ARHGEF3: variants seen among roughly 807,000 people sequenced by gnomAD.
ARHGEF3 encodes Rho guanine nucleotide exchange factor 3.
A neutral mutation model predicts 63.2 loss-of-function variants in ARHGEF3; 28 were observed. That is an observed-to-expected ratio of 0.44 (90% CI 0.33 to 0.61). The LOEUF (loss-of-function observed/expected upper bound fraction) is 0.61, where lower values mean the gene tolerates loss of function less well. Ranked by LOEUF, ARHGEF3 falls within the 20% of genes least tolerant of loss-of-function variation. The pLI, the probability that ARHGEF3 is intolerant of heterozygous loss-of-function variation, is 0.03. For synonymous variants in ARHGEF3, 266 were observed against 254.2 expected (o/e 1.05, Z -0.44); for missense variants, 533 against 659.3 (o/e 0.81, Z 2.10).
intron 1 of ARHGEF3, among the ~76,000 whole-genome samples, chr3:57,047,610 C>T (rs1704510896): frequency 6.6e-6 from 1 of 152,136 alleles, no homozygotes; most frequent in Non-Finnish European, 1.5e-5. Flanking sequence ...ATGCAAAGGT[C>T]AGTGTCCTTT....
intron 2 of ARHGEF3, among the ~76,000 whole-genome samples, chr3:56,976,064 CAG>C (rs2051693599): frequency 6.6e-6 from 1 of 152,130 alleles, no homozygotes; most frequent in Non-Finnish European, 1.5e-5. Context: ...GTTGTTGAGA[CAG>C]AGTCTTGCTC....
At chr3:56,958,741 C>G (rs1700153533) in intron 3 of ARHGEF3, 1 of 1,426,506 alleles carries the variant, frequency 7.0e-7, no homozygotes. Context: ...AAAACCAACC[C>G]TAACAGCGTC....
chr3:56,883,552 C>A (rs2040835610), intron 3 of ARHGEF3, among the ~76,000 whole-genome samples: 1 of 152,156 alleles, frequency 6.6e-6, no homozygotes, highest in South Asian at 2.1e-4. Context: ...CTGCCTTGGC[C>A]TCCCAAAATG....
At chr3:57,017,962 G>A (rs1286626158) in intron 2 of ARHGEF3, among the ~76,000 whole-genome samples, 1 of 152,232 alleles carries the variant, frequency 6.6e-6, no homozygotes, top group Non-Finnish European at 1.5e-5. Flanking sequence ...GTTACGCTGT[G>A]AAAACCAAGG....
rs148717596 is a variant in ARHGEF3 at position 56,787,084 on chromosome 3, T to C, written c.97-13268A>G. ...CAAGTGTTTTCCAATATGGGCCATC[T>C]ACAGAGGGGAGGATTCCTTTGAAGA... On this transcript the variant is annotated intron_variant, in intron 1 of 9. Transcript: ENST00000296315. Among the ~76,000 whole-genome samples, 201 of 152,286 alleles carry C rather than the reference T, an allele frequency of 1.3e-3. 1 individual carries two copies. The highest frequency in any genetic ancestry group is 4.5e-3 in the African/African-American group (186 of 41,544).
At chr3:56,771,191 T>C (rs915669837) in intron 2 of ARHGEF3, among the ~76,000 whole-genome samples, 1 of 152,154 alleles carries the variant, frequency 6.6e-6, no homozygotes, top group African/African-American at 2.4e-5. Flanking sequence ...GATCCTCCTT[T>C]GGGTCTGGCT....
chr3:56,837,041 C>T (rs1385576739), intron 4 of ARHGEF3, among the ~76,000 whole-genome samples: 6 of 152,206 alleles, frequency 3.9e-5, no homozygotes, highest in African/African-American at 1.4e-4. Flanking sequence ...AAATATGCGG[C>T]ATGAATTCAT....
chr3:56,997,682 C>G (rs1702046174), intron 2 of ARHGEF3, among the ~76,000 whole-genome samples: 1 of 152,170 alleles, frequency 6.6e-6, no homozygotes, highest in Non-Finnish European at 1.5e-5. Flanking sequence ...AACAGAGAGA[C>G]AGCCTGCGAG....
At chr3:57,067,995 A>T (rs1426189172) in intron 1 of ARHGEF3, among the ~76,000 whole-genome samples, 2 of 151,920 alleles carry the variant, frequency 1.3e-5, no homozygotes, top group African/African-American at 4.8e-5. Flanking sequence ...GTCTCAAAAA[A>T]AACAAAAACA....
intron 3 of ARHGEF3, among the ~76,000 whole-genome samples, chr3:56,945,873 C>G (rs537988776): frequency 6.6e-6 from 1 of 152,156 alleles, no homozygotes; most frequent in Admixed American, 6.5e-5. Flanking sequence ...CTGGGAGGCA[C>G]CCCCCAGTAC....
chr3:56,741,184 C>CTTTTTTTTTT (rs10662620), intron 7 of ARHGEF3, among the ~76,000 whole-genome samples: 2 of 128,872 alleles, frequency 1.6e-5, no homozygotes, highest in Non-Finnish European at 3.2e-5. Context: ...TGCTTTGGTT[C>CTTTTTTTTTT]TTTTTTTTTT....
At chr3:56,736,064 ACACAC>A in intron 8 of ARHGEF3, among the ~76,000 whole-genome samples, 1 of 107,226 alleles carries the variant, frequency 9.3e-6, no homozygotes, top group Admixed American at 9.4e-5. Context: ...ACACACACAC[ACACAC>A]ACACACACAC....
intron 4 of ARHGEF3, among the ~76,000 whole-genome samples, chr3:56,808,938 T>C (rs892695806): frequency 1.3e-5 from 2 of 152,204 alleles, no homozygotes; most frequent in African/African-American, 4.8e-5. Context: ...AGTGCCACTA[T>C]TGAGAAACGC....
At chr3:56,765,874 C>T (rs1171768704) in intron 2 of ARHGEF3, among the ~76,000 whole-genome samples, 1 of 151,908 alleles carries the variant, frequency 6.6e-6, no homozygotes. Flanking sequence ...ATGAAAAAAT[C>T]AATAGTTCCA....
chr3:56,860,062 A>AGATC lies in ARHGEF3; in HGVS notation c.192+22229_192+22230insGATC, dbSNP rs567677584. 1.1e-4 allele frequency among the ~76,000 whole-genome samples: 16 copies of AGATC among 152,164 alleles called. No homozygotes were observed. The East Asian group carries it at 1.4e-3, about 13-fold the overall frequency. ...AAGAGAGATAGATAGATAGATAGAT[A>AGATC]GATAGATCGATAGATAGATAAAAAT... On this transcript the variant is annotated intron_variant, in intron 4 of 12. Coordinates refer to the ARHGEF3 transcript ENST00000338458.
At chr3:56,952,348 A>G (rs1340147499) in intron 3 of ARHGEF3, among the ~76,000 whole-genome samples, 1 of 152,190 alleles carries the variant, frequency 6.6e-6, no homozygotes, top group Non-Finnish European at 1.5e-5. Flanking sequence ...AATTCTTCCA[A>G]CAGCCCAAAT....
intron 3 of ARHGEF3, among the ~76,000 whole-genome samples, chr3:56,945,181 C>T (rs184231466): frequency 1.3e-5 from 2 of 152,158 alleles, no homozygotes; most frequent in Admixed American, 1.3e-4. Context: ...TCTACAGCTC[C>T]CAGCATGAGT....
chr3:56,737,391 A>G, intron 7 of ARHGEF3, 36 bp from the exon 8 acceptor site: 1 of 1,562,696 alleles, frequency 6.4e-7, no homozygotes, highest in Non-Finnish European at 8.8e-7. Flanking sequence ...GTATGGAGGA[A>G]AGCAGCAAAC....
intron 1 of ARHGEF3, among the ~76,000 whole-genome samples, chr3:57,070,971 CAA>C (rs1231328722): frequency 6.0e-5 from 3 of 49,670 alleles, no homozygotes; most frequent in Admixed American, 2.1e-4. Context: ...GACTCTGTCA[CAA>C]AAAAAAAAAA....
Sources: gnomAD v4.1 joint callset for allele counts (sites outside exome capture counted in the v4.1 genomes callset) on GRCh38, gnomAD v4.1.1 for gene constraint, MANE v1.5 for transcripts, NCBI Gene and HGNC (gene_info 2026-07-23, HGNC 2026-07-21) for gene names.